The following CDH12 variants were observed in gnomAD, a reference collection of about 807,000 sequenced individuals.
CDH12 encodes the protein cadherin-12.
In CDH12, 41 loss-of-function variants were observed where a neutral mutation model predicts 74.1. The ratio of observed to expected loss-of-function variants is 0.55; its 90% CI spans 0.43 to 0.72. CDH12 has a LOEUF of 0.72. CDH12 is among the 30% of genes least tolerant of loss of function. The pLI, the probability that CDH12 is intolerant of heterozygous loss-of-function variation, is 0.00. For missense variants in CDH12, 945 were observed against 977.2 expected, an observed-to-expected ratio of 0.97 and a Z score of 0.44; for synonymous variants, 399 against 355.0, an observed-to-expected ratio of 1.12 and a Z score of -1.39.
chr5:21,841,911 T>C (rs1029501103), intron 8 of CDH12, among the ~76,000 whole-genome samples: 1 of 148,384 alleles, frequency 6.7e-6, no homozygotes, highest in Non-Finnish European at 1.5e-5. Context: ...TAATGCTGGA[T>C]GACGAGTTAG....
chr5:22,410,767 TA>T (rs1202162662), intron 2 of CDH12, among the ~76,000 whole-genome samples: 2 of 152,150 alleles, frequency 1.3e-5, no homozygotes, highest in East Asian at 3.9e-4. Flanking sequence ...GATTATTCTT[TA>T]AAAAAACATG....
intron 3 of CDH12, among the ~76,000 whole-genome samples, chr5:22,362,785 C>T (rs1740870083): frequency 1.3e-5 from 2 of 151,744 alleles, no homozygotes; most frequent in Non-Finnish European, 2.9e-5. Context: ...TTTGTAGGAA[C>T]ATGGATGAAA....
At chr5:21,879,068 C>T (rs1040947202) in intron 6 of CDH12, among the ~76,000 whole-genome samples, 3 of 152,046 alleles carry the variant, frequency 2.0e-5, no homozygotes, top group East Asian at 1.9e-4. Context: ...TTCCATTTTC[C>T]GTTCACATGC....
chr5:22,697,526 A>C (rs546919430), intron 1 of CDH12, among the ~76,000 whole-genome samples: 3 of 147,710 alleles, frequency 2.0e-5, no homozygotes, highest in South Asian at 2.1e-4. Context: ...GAGCCGAGAT[A>C]GCACCACTGC....
intron 5 of CDH12, among the ~76,000 whole-genome samples, chr5:22,015,198 T>C (rs1353717299): frequency 6.6e-6 from 1 of 152,190 alleles, no homozygotes; most frequent in Non-Finnish European, 1.5e-5. Flanking sequence ...CAGTTCTACA[T>C]CGTTGGAAAA....
intron 1 of CDH12, among the ~76,000 whole-genome samples, chr5:22,831,954 G>A (rs1736633677): frequency 6.6e-6 from 1 of 151,968 alleles, no homozygotes; most frequent in East Asian, 1.9e-4. Context: ...ATTTTTGAAA[G>A]GTACTTAGAA....
chr5:22,119,157 C>G lies in CDH12; in HGVS notation c.-186-40295G>C, dbSNP rs150795109. On this transcript the variant is annotated intron_variant, in intron 4 of 14. Transcript: ENST00000382254. The stretch of plus-strand genomic sequence containing the variant: ...TGTCAGGAGTCAGGCAAACACTAAA[C>G]CTTGCTCAGTTTAAGTCCTCTCTCT... Among the ~76,000 whole-genome samples, 151 of 152,174 alleles carry G rather than the reference C, an allele frequency of 9.9e-4. 1 individual carries two copies. The Middle Eastern group carries it at 0.027, about 27-fold the overall frequency.
intron 3 of CDH12, among the ~76,000 whole-genome samples, chr5:22,333,246 A>G (rs780978573): frequency 1.2e-4 from 18 of 152,076 alleles, no homozygotes; most frequent in Admixed American, 4.6e-4. Context: ...GTTTTCACTC[A>G]TAAGTTGGAG....
chr5:22,283,249 T>TATATATATATAG (rs1736989326), intron 3 of CDH12, among the ~76,000 whole-genome samples: 1 of 116,208 alleles, frequency 8.6e-6, no homozygotes, highest in African/African-American at 3.5e-5. Context: ...TATATATATA[T>TATATATATATAG]ATACACACAC....
intron 1 of CDH12, among the ~76,000 whole-genome samples, chr5:22,694,744 T>G (rs951279927): frequency 6.6e-6 from 1 of 151,868 alleles, no homozygotes; most frequent in East Asian, 1.9e-4. Context: ...AATTTCCTTT[T>G]AAATTAATGT....
At chr5:22,513,176 C>T (rs1034915024) in intron 1 of CDH12, among the ~76,000 whole-genome samples, 1 of 152,174 alleles carries the variant, frequency 6.6e-6, no homozygotes, top group Non-Finnish European at 1.5e-5. Context: ...AACTGAAGTG[C>T]ATCTGTGGTG....
intron 1 of CDH12, among the ~76,000 whole-genome samples, chr5:22,556,160 TA>T (rs1334509671): frequency 6.6e-6 from 1 of 151,938 alleles, no homozygotes; most frequent in Non-Finnish European, 1.5e-5. Flanking sequence ...ATGCAATAGA[TA>T]AAATACCCAA....
At chr5:22,761,530 C>G (rs549929023) in intron 1 of CDH12, among the ~76,000 whole-genome samples, 1 of 152,132 alleles carries the variant, frequency 6.6e-6, no homozygotes, top group Non-Finnish European at 1.5e-5. Context: ...GCAGTAACGT[C>G]TGCTCTTTAA....
chr5:22,075,244 G>T (rs1243909804), intron 5 of CDH12, among the ~76,000 whole-genome samples: 1 of 148,906 alleles, frequency 6.7e-6, no homozygotes, highest in Non-Finnish European at 1.5e-5. Context: ...CTCACTCATA[G>T]GTGGGAATTG....
chr5:21,912,354 C>A (rs1466550444), intron 6 of CDH12, among the ~76,000 whole-genome samples: 1 of 151,808 alleles, frequency 6.6e-6, no homozygotes, highest in Non-Finnish European at 1.5e-5. Context: ...TTAATCTTAC[C>A]CATCGCCTTT....
rs557742220 is a variant in CDH12 at position 22,294,041 on chromosome 5, T to G, written c.-332-81398A>C. ...TTAACTACATATGTTAATTAGTCAT[T>G]CCACAATGTATATGCTCTTCAGGAC... On this transcript the variant is annotated intron_variant, in intron 3 of 14. Transcript: ENST00000382254. Among the ~76,000 whole-genome samples the G allele has an allele frequency of 2.0e-5, 3 of 152,220 alleles. No individual in the cohort carries two copies. In the South Asian group the frequency reaches 6.2e-4, roughly 32 times the overall value.
intron 5 of CDH12, among the ~76,000 whole-genome samples, chr5:22,063,050 T>C (rs1741303520): frequency 6.6e-6 from 1 of 152,164 alleles, no homozygotes. Flanking sequence ...TATGTTAGTA[T>C]ATTTTGGTGA....
intron 6 of CDH12, among the ~76,000 whole-genome samples, chr5:21,887,023 G>A (rs547119212): frequency 1.3e-5 from 2 of 152,190 alleles, no homozygotes; most frequent in South Asian, 4.1e-4. Flanking sequence ...TGATATGACA[G>A]TATCAGTATT....
intron 1 of CDH12, among the ~76,000 whole-genome samples, chr5:22,754,421 T>C (rs568001188): frequency 7.1e-4 from 108 of 151,968 alleles, no homozygotes; most frequent in African/African-American, 2.4e-3. Context: ...GAAAACAGCA[T>C]GGTGAGTAAT....
Sources: allele counts gnomAD v4.1 joint callset (sites outside exome capture counted in the v4.1 genomes callset), GRCh38; gene constraint gnomAD v4.1.1; transcripts MANE v1.5; gene names NCBI Gene and HGNC (gene_info 2026-07-23, HGNC 2026-07-21).